The following PRKDC variants were observed in gnomAD, a reference collection of about 807,000 sequenced individuals.
The protein encoded by PRKDC is protein kinase, DNA-activated, catalytic subunit, also known as DNA-dependent protein kinase catalytic subunit.
In PRKDC, 82 loss-of-function variants were observed where a neutral mutation model predicts 486.9. The observed-to-expected ratio is 0.17, with a 90% CI of 0.14 to 0.20. The LOEUF is 0.20. Ranked by LOEUF, PRKDC falls within the 10% of genes least tolerant of loss-of-function variation. The probability of loss-of-function intolerance (pLI) is 1.00; values close to 1 mark genes in which losing one functional copy is unlikely to be tolerated. For missense variants in PRKDC, 4,504 were observed against 5,038.2 expected (o/e 0.89, Z 3.21); for synonymous variants, 1,895 against 1,837.0 (o/e 1.03, Z -0.81).
intron 11 of PRKDC, among the ~76,000 whole-genome samples, chr8:47,938,321 G>A (rs1330914275): frequency 6.6e-6 from 1 of 151,250 alleles, no homozygotes; most frequent in Non-Finnish European, 1.5e-5. Context: ...TGAGGCAGGA[G>A]AATTGCTTGA....
At chr8:47,880,304 C>T (rs1415880999) in intron 38 of PRKDC, among the ~76,000 whole-genome samples, 2 of 152,258 alleles carry the variant, frequency 1.3e-5, no homozygotes, top group Admixed American at 6.5e-5. Context: ...GTAGAAAGAA[C>T]ATTTTGAATA....
At chr8:47,875,264 ATCT>A (rs1440705057) in intron 40 of PRKDC, among the ~76,000 whole-genome samples, 2 of 152,138 alleles carry the variant, frequency 1.3e-5, no homozygotes, top group Admixed American at 1.3e-4. Flanking sequence ...TTCGCTTATA[ATCT>A]TCTTACAGTT....
rs2086551664 is a variant in PRKDC, at chr8:47,773,256, G to T, written c.*917C>A. On this transcript the variant is annotated 3_prime_UTR_variant, in exon 86 of 86. Transcript: ENST00000314191. ...ACAGTTTGGGTGTGGAGGACTGGCG[G>T]GGGGGGACAGGGACTGCACATGGGA... 2 of 227,706 alleles carry T rather than the reference G, an allele frequency of 8.8e-6. No homozygotes were observed. Among genetic ancestry groups the T allele is most frequent in the Non-Finnish European group, 1.8e-5 (2 of 113,586 alleles). 14.1% of individuals were successfully genotyped at this position (227,706 alleles called of 1,614,324 possible).
At chr8:47,935,501 CA>C (rs1053723152) in intron 13 of PRKDC, among the ~76,000 whole-genome samples, 7 of 146,970 alleles carry the variant, frequency 4.8e-5, no homozygotes, top group Admixed American at 6.8e-5. Flanking sequence ...CTCTTGTCAC[CA>C]AAAAAAATGA....
In PRKDC at chr8:47,821,691, C is replaced by G; in HGVS notation, c.9024G>C (p.Trp3008Cys). The stretch of plus-strand genomic sequence containing the variant: ...CTGTAGAACAGTATTCAAGTGATTT[C>G]CACTCAGCAAGGTGGTTGTAACAGT... ...SLDCYNHLAE[W>C]KSLEYCSTAS... The change falls in exon 65 of 86, where the codon TGG becomes TGC. Residue 3008 changes from tryptophan (W) to cysteine (C), a missense_variant. Physicochemically the swap from Trp to Cys is radical, Grantham distance 215. Around this residue, in one of 6 missense-constraint regions of PRKDC, gnomAD observed 1,592 missense variants for 1,724.6 expected, o/e 0.92. Transcript: ENST00000314191. 6.2e-7 allele frequency: 1 copy of G among 1,601,668 alleles called. No homozygotes were observed. Among genetic ancestry groups the G allele is most frequent in the Non-Finnish European group, 8.5e-7 (1 of 1,173,512 alleles).
intron 40 of PRKDC, among the ~76,000 whole-genome samples, chr8:47,876,710 A>G (rs759493343): frequency 1.3e-5 from 2 of 152,032 alleles, no homozygotes; most frequent in Non-Finnish European, 2.9e-5. Flanking sequence ...TTCCCACTGT[A>G]TTTTTGCTAA....
intron 10 of PRKDC, 198 bp from the exon 11 acceptor site, chr8:47,939,895 T>G: frequency 2.7e-6 from 1 of 366,874 alleles, no homozygotes; most frequent in Non-Finnish European, 4.8e-6. Context: ...AATAAGGCTA[T>G]GTGATACATT....
Position 47,774,160 on chromosome 8 carries a change from A to G in PRKDC, c.*13T>C. ...ACAATGTAATGCTTTCTATCTGCAGACTCCCACAGACCTCACATCCAGGGC... is the reference window on the plus strand; with the variant it reads ...ACAATGTAATGCTTTCTATCTGCAGGCTCCCACAGACCTCACATCCAGGGC... On this transcript the variant is annotated 3_prime_UTR_variant, in exon 86 of 86. Transcript: ENST00000314191. The G allele has an allele frequency of 6.4e-7, 1 of 1,560,152 alleles. No homozygotes were observed. The highest frequency in any genetic ancestry group is 8.7e-7 in the Non-Finnish European group (1 of 1,151,654).
At chr8:47,800,660 T>C (rs2087087771) in intron 71 of PRKDC, 133 bp downstream of exon 71, 1 of 608,770 alleles carries the variant, frequency 1.6e-6, no homozygotes, top group Non-Finnish European at 2.5e-6. Flanking sequence ...AAAAAGAAAA[T>C]TGGCTGTGCA....
chr8:47,803,399 C>T lies in PRKDC; in HGVS notation c.9829G>A (p.Val3277Met), dbSNP rs576619387. The change falls in exon 70 of 86, where the codon GTG (valine) becomes ATG (methionine). Residue 3277 changes from valine (V) to methionine (M), a missense_variant. By Grantham distance (21) the Val-to-Met change is conservative. This residue lies in a region of PRKDC where 1,592 missense variants were observed against 1,724.6 expected (regional missense o/e 0.92). Transcript: ENST00000314191. ...TGGCTCAGGCGGCAGTAGCTCTGCA[C>T]CCAGCTCACCAGCCAATCGTCTCTG... ...KTRDDWLVSW[V>M]QSYCRLSHCR... 6.2e-6 allele frequency: 10 copies of T among 1,613,888 alleles called. No individual in the cohort carries two copies. The highest frequency in any genetic ancestry group is 7.6e-6 in the Non-Finnish European group (9 of 1,179,898).
chr8:47,852,694 T>C lies in PRKDC; in HGVS notation c.6984A>G (p.Arg2328=), dbSNP rs1362032506. The part of the protein sequence containing the change: ...AAAEVLGLIL[R]YVMERKNILE... ...TCACGTTTTTTCTCTCCATAACATA[T>C]CGAAGTATAAGTCCTAGAACTTCTG... The change falls in exon 52 of 86, where the codon CGA becomes CGG. Residue 2328 remains arginine (R), a synonymous_variant. Transcript: ENST00000314191. 3.8e-6 allele frequency: 6 copies of C among 1,573,116 alleles called. No individual in the cohort carries two copies. Among genetic ancestry groups the C allele is most frequent in the Non-Finnish European group, 5.2e-6 (6 of 1,157,120 alleles).
intron 16 of PRKDC, among the ~76,000 whole-genome samples, chr8:47,932,210 AG>A (rs1274189076): frequency 3.3e-5 from 5 of 152,022 alleles, no homozygotes; most frequent in African/African-American, 1.2e-4. Context: ...CAGCCTCCCG[AG>A]CAGCTGGGAC....
intron 26 of PRKDC, among the ~76,000 whole-genome samples, chr8:47,904,069 A>C (rs1269668907): frequency 1.3e-5 from 2 of 152,142 alleles, no homozygotes; most frequent in Non-Finnish European, 2.9e-5. Context: ...TAGTAAAATA[A>C]GCATCAAAAA....
In PRKDC at chr8:47,943,620, G is replaced by T. The variant is rs56048844; in HGVS notation, c.808+233C>A. Among the ~76,000 whole-genome samples the T allele has an allele frequency of 2.6e-5, 4 of 152,292 alleles. No individual in the cohort carries two copies. The East Asian group carries it at 7.7e-4, about 29-fold the overall frequency. On this transcript the variant is annotated intron_variant, in intron 9 of 85. Transcript: ENST00000314191. ...ATTGAGGCAAAGTCAGAATCAAACA[G>T]CCTGGATCCCCTGAAAGATACCCTA... is the stretch of plus-strand genomic sequence containing the variant.
In PRKDC at chr8:47,802,635, G is replaced by A. The variant is rs529054326; in HGVS notation, c.9922+671C>T. ...TTCGAAGACAGGCGCCTGCCACCAC[G>A]CCCGGCTAGTTTTTGTAATTTTTTT... On this transcript the variant is annotated intron_variant, in intron 70 of 85. Coordinates refer to ENST00000314191, the MANE Select transcript of PRKDC (RefSeq NM_006904.7). Among the ~76,000 whole-genome samples the A allele has an allele frequency of 2.6e-5, 4 of 151,146 alleles. No homozygotes were observed. In the South Asian group the frequency reaches 6.3e-4, roughly 24 times the overall value.
intron 11 of PRKDC, among the ~76,000 whole-genome samples, chr8:47,938,608 T>C (rs753603525): frequency 2.0e-5 from 3 of 152,094 alleles, no homozygotes; most frequent in Non-Finnish European, 4.4e-5. Context: ...GTTGCCCAGA[T>C]TGGAGTGCAG....
At chr8:47,790,434 C>T (rs551562475) in intron 74 of PRKDC, among the ~76,000 whole-genome samples, 7 of 152,312 alleles carry the variant, frequency 4.6e-5, no homozygotes, top group African/African-American at 1.4e-4. Context: ...AAAGTTACTT[C>T]ATGTTCATGG....
intron 7 of PRKDC, among the ~76,000 whole-genome samples, chr8:47,947,153 C>T (rs1285268266): frequency 6.6e-6 from 1 of 152,158 alleles, no homozygotes; most frequent in South Asian, 2.1e-4. Context: ...AGAGACTGGC[C>T]GAGCATGGGG....
At chr8:47,863,832 C>T (rs2088736359) in intron 41 of PRKDC, among the ~76,000 whole-genome samples, 1 of 152,096 alleles carries the variant, frequency 6.6e-6, no homozygotes, top group African/African-American at 2.4e-5. Context: ...AAAATGTTTG[C>T]ACAAAATCTT....
Sources: gnomAD v4.1 joint callset for allele counts (sites outside exome capture counted in the v4.1 genomes callset) on GRCh38, gnomAD v4.1.1 for gene constraint, gnomAD v4.1.1 regional missense constraint, MANE v1.5 for transcripts, NCBI Gene and HGNC (gene_info 2026-07-23, HGNC 2026-07-21) for gene names.